The following PKHD1L1 variants were observed in gnomAD, a reference collection of about 807,000 sequenced individuals.
PKHD1L1 encodes the protein fibrocystin-L.
A neutral mutation model predicts 462.9 loss-of-function variants in PKHD1L1; 434 were observed. That is an observed-to-expected ratio of 0.94 (90% confidence interval 0.87 to 1.02). PKHD1L1 has a LOEUF of 1.02. Among genes scored for constraint, PKHD1L1 ranks in the 50% least tolerant of loss-of-function variants. The probability of loss-of-function intolerance (pLI) is 0.00; values close to 1 mark genes in which losing one functional copy is unlikely to be tolerated. For missense variants in PKHD1L1, 5,202 were observed against 5,096.1 expected (o/e 1.02, Z -0.63); for synonymous variants, 1,781 against 1,750.0 (o/e 1.02, Z -0.44).
chr8:109,404,859 C>A, intron 15 of PKHD1L1, 136 bp from the exon 16 acceptor site: 2 of 1,137,110 alleles, frequency 1.8e-6, no homozygotes, highest in South Asian at 2.0e-5. Flanking sequence ...AGTATTTGTA[C>A]GATAAGCCAA....
intron 11 of PKHD1L1, among the ~76,000 whole-genome samples, chr8:109,398,043 A>C (rs769253193): frequency 1.1e-4 from 16 of 152,136 alleles, no homozygotes; most frequent in Non-Finnish European, 1.8e-4. Flanking sequence ...ACTTGGACTA[A>C]GCCAGCACTT....
chr8:109,386,078 G>T (rs1159655414), intron 6 of PKHD1L1, among the ~76,000 whole-genome samples: 1 of 152,156 alleles, frequency 6.6e-6, no homozygotes. Flanking sequence ...ACTGCTTCAT[G>T]ATGTACAGGC....
intron 59 of PKHD1L1, among the ~76,000 whole-genome samples, chr8:109,489,391 A>G (rs1413052680): frequency 6.6e-6 from 1 of 151,884 alleles, no homozygotes; most frequent in African/African-American, 2.4e-5. Flanking sequence ...GCAATCTCTC[A>G]TGGATTGTTA....
Position 109,405,064 on chromosome 8 carries a change from C to T in PKHD1L1, c.1603C>T (p.Pro535Ser), listed in dbSNP as rs761631259. 6.5e-7 allele frequency: 1 copy of T among 1,528,006 alleles called. No homozygotes were observed. Among genetic ancestry groups the T allele is most frequent in the Non-Finnish European group, 8.9e-7 (1 of 1,125,750 alleles). 94.7% of individuals were successfully genotyped at this position (1,528,006 alleles called of 1,614,324 possible). A position where few individuals can be genotyped will look rare whatever the true frequency, so the allele number is the denominator to read the frequency against. Reference protein sequence around the residue: ...NEVQKIKVTSPCVEANSCSLY... With the variant: ...NEVQKIKVTSSCVEANSCSLY... Reference sequence around the variant, plus strand: ...GGTTCAGAAGATCAAGGTAACCAGCCCATGTGTGGAAGCTAATTCATGTTC... The same window carrying T: ...GGTTCAGAAGATCAAGGTAACCAGCTCATGTGTGGAAGCTAATTCATGTTC... The change falls in exon 16 of 78, where the codon CCA (proline) becomes TCA (serine). Residue 535 changes from proline to serine, a missense_variant. Transcript: ENST00000378402.
intron 59 of PKHD1L1, 116 bp from the exon 60 acceptor site, chr8:109,489,836 G>A (rs1586612700): frequency 1.4e-6 from 1 of 695,738 alleles, no homozygotes; most frequent in East Asian, 2.8e-5. Flanking sequence ...TGGATTAAAG[G>A]AGCAAAGAAT....
At chr8:109,457,409 C>CT (rs1254423955) in intron 46 of PKHD1L1, among the ~76,000 whole-genome samples, 3 of 152,044 alleles carry the variant, frequency 2.0e-5, no homozygotes, top group African/African-American at 7.2e-5. Context: ...TCATTTATGG[C>CT]TTTTTGTATG....
In PKHD1L1 at chr8:109,401,528, A is replaced by G. The variant is rs764347533; in HGVS notation, c.1313A>G (p.Asn438Ser). The change falls in exon 14 of 78, where the codon AAC becomes AGC. Residue 438 changes from asparagine (N) to serine (S), a missense_variant. By Grantham distance (46) the Asn-to-Ser change is conservative. Transcript: ENST00000378402. ...ATTGCATATCATTCTGCTAATGCCAACAGTTATTTTTCCAGTCCAACACAA... is the reference window on the plus strand; with the variant it reads ...ATTGCATATCATTCTGCTAATGCCAGCAGTTATTTTTCCAGTCCAACACAA... ...VRIAYHSANANSYFSSPTQRS... is the reference protein window; with the variant it reads ...VRIAYHSANASSYFSSPTQRS... 8 of 1,594,730 alleles carry G rather than the reference A, an allele frequency of 5.0e-6. No homozygotes were observed. The highest frequency in any genetic ancestry group is 6.9e-6 in the Non-Finnish European group (8 of 1,164,106).
chr8:109,367,037 G>A (rs934505119), intron 2 of PKHD1L1, among the ~76,000 whole-genome samples: 1 of 152,182 alleles, frequency 6.6e-6, no homozygotes, highest in Admixed American at 6.5e-5. Flanking sequence ...AGCTCATAAA[G>A]TTGTATATAT....
rs547773848 is a variant in PKHD1L1 at position 109,466,641 on chromosome 8, A to C, written c.8477A>C (p.Glu2826Ala). The C allele has an allele frequency of 6.2e-7, 1 of 1,610,438 alleles. No individual in the cohort carries two copies. The highest frequency in any genetic ancestry group is 1.7e-5 in the Admixed American group (1 of 59,606). The change falls in exon 50 of 78, where the codon GAA becomes GCA. Residue 2826 changes from glutamate (E) to alanine (A), a missense_variant. Coordinates refer to ENST00000378402, the MANE Select transcript of PKHD1L1 (RefSeq NM_177531.6). ...SLLDPSHCTQ[E>A]AEWSIGFPGS... The stretch of plus-strand genomic sequence containing the variant: ...CTAGACCCTTCTCATTGTACTCAGG[A>C]AGCTGAGTGGAGCATTGGGTTCCCT...
chr8:109,462,026 C>T (rs1817166134), intron 48 of PKHD1L1, 118 bp downstream of exon 48: 3 of 1,211,864 alleles, frequency 2.5e-6, no homozygotes, highest in African/African-American at 1.5e-5. Context: ...GAGACAGATA[C>T]ATAAGTAAAC....
chr8:109,454,898 C>T lies in PKHD1L1; in HGVS notation c.6874+46C>T, dbSNP rs116687648. On this transcript the variant is annotated intron_variant, in intron 45 of 77. Coordinates refer to ENST00000378402, the MANE Select transcript of PKHD1L1 (RefSeq NM_177531.6). ...AGGGAGTTGGTAGAGGAAGACTCACCAGGACACCAGGGATAATTATCCTGT... is the reference window on the plus strand; with the variant it reads ...AGGGAGTTGGTAGAGGAAGACTCACTAGGACACCAGGGATAATTATCCTGT... 5.8e-4 allele frequency: 905 copies of T among 1,561,750 alleles called. 5 individuals are homozygous for T. In the African/African-American group the frequency reaches 9.9e-3, roughly 17 times the overall value.
chr8:109,401,652 A>G, intron 14 of PKHD1L1, 64 bp downstream of exon 14: 1 of 793,088 alleles, frequency 1.3e-6, no homozygotes, highest in East Asian at 2.9e-5. Context: ...TTATATTTTA[A>G]AATATTTTCA....
At chr8:109,381,343 A>G (rs1812101869) in intron 2 of PKHD1L1, 27 bp from the exon 3 acceptor site, 2 of 1,526,402 alleles carry the variant, frequency 1.3e-6, no homozygotes, top group Non-Finnish European at 1.8e-6. Flanking sequence ...TACCATTAAT[A>G]ATAATTAAGT....
chr8:109,418,303 G>A (rs1198463731), intron 21 of PKHD1L1, among the ~76,000 whole-genome samples: 1 of 152,008 alleles, frequency 6.6e-6, no homozygotes, highest in East Asian at 1.9e-4. Flanking sequence ...AAACTGATAT[G>A]TGTAGTCTAA....
rs1392912447 is a variant in PKHD1L1, at chr8:109,536,383, C to T, written c.*6293C>T. Among the ~76,000 whole-genome samples the T allele has an allele frequency of 6.6e-6, 1 of 152,222 alleles. No individual in the cohort carries two copies. The highest frequency in any genetic ancestry group is 2.4e-5 in the African/African-American group (1 of 41,462). On this transcript the variant is annotated 3_prime_UTR_variant, in exon 78 of 78. Transcript: ENST00000378402. The stretch of plus-strand genomic sequence containing the variant: ...GCTGTAGCTCAATGAATGAGTCTCA[C>T]ATTGTTTCATGTTGTTTTATTTCTA...
At chr8:109,406,262 G>A in intron 16 of PKHD1L1, 73 bp from the exon 17 acceptor site, 1 of 1,404,080 alleles carries the variant, frequency 7.1e-7, no homozygotes, top group Non-Finnish European at 9.6e-7. Context: ...CGAGACATCA[G>A]TGTTGGCTGC....
Position 109,523,292 on chromosome 8 carries a change from C to A in PKHD1L1, c.12390C>A (p.Ser4130=). ...ALTLRAILKD[S]NNNQVNGLSG... ...CTTTGAGGGCCATACTCAAGGACTC[C>A]AATAATAACCAAGTCAATGGCCTTA... The change falls in exon 76 of 78, where the codon TCC becomes TCA. Residue 4130 remains serine, a synonymous_variant. Transcript: ENST00000378402. The A allele has an allele frequency of 6.2e-7, 1 of 1,611,474 alleles. No homozygotes were observed. Among genetic ancestry groups the A allele is most frequent in the Non-Finnish European group, 8.5e-7 (1 of 1,178,540 alleles).
At chr8:109,417,491 C>T (rs189940480) in intron 21 of PKHD1L1, among the ~76,000 whole-genome samples, 1 of 151,260 alleles carries the variant, frequency 6.6e-6, no homozygotes, top group African/African-American at 2.4e-5. Flanking sequence ...TTAAAAATAA[C>T]AGCGTTCCCT....
At chr8:109,399,104 G>T (rs577416787) in intron 12 of PKHD1L1, among the ~76,000 whole-genome samples, 1 of 152,060 alleles carries the variant, frequency 6.6e-6, no homozygotes, top group African/African-American at 2.4e-5. Flanking sequence ...TGTTCGCACC[G>T]TGAATGTTGT....
Sources: allele counts gnomAD v4.1 joint callset (sites outside exome capture counted in the v4.1 genomes callset), GRCh38; gene constraint gnomAD v4.1.1; transcripts MANE v1.5; gene names NCBI Gene and HGNC (gene_info 2026-07-23, HGNC 2026-07-21).